NLGN1: variants seen among roughly 807,000 people sequenced by gnomAD.
The protein encoded by NLGN1 is neuroligin-1.
Under a neutral mutation model 65.5 loss-of-function variants are expected in NLGN1, and 12 were observed. The ratio of observed to expected loss-of-function variants is 0.18; its 90% confidence interval spans 0.12 to 0.30. NLGN1 has a LOEUF of 0.30. NLGN1 is among the 10% of genes least tolerant of loss of function. NLGN1 has a pLI of 1.00. For missense variants in NLGN1, 750 were observed against 1,007.1 expected (o/e 0.74, Z 3.46); for synonymous variants, 350 against 359.5 (o/e 0.97, Z 0.30).
At chr3:174,288,637 T>A (rs983588433), downstream of NLGN1, among the ~76,000 whole-genome samples, 2 of 151,494 alleles carry the variant, frequency 1.3e-5, no homozygotes, top group African/African-American at 4.8e-5. Flanking sequence ...TTCAGTCTTT[T>A]CACAATTCTA....
intron 2 of NLGN1, among the ~76,000 whole-genome samples, chr3:173,469,639 T>TAA (rs543661410): frequency 9.2e-5 from 13 of 141,888 alleles, no homozygotes; most frequent in South Asian, 2.2e-4. Flanking sequence ...TTTTAAAAAC[T>TAA]AAAAAAAAAA....
intron 3 of NLGN1, among the ~76,000 whole-genome samples, chr3:173,754,382 T>TC (rs1553836904): frequency 6.6e-6 from 1 of 152,110 alleles, no homozygotes; most frequent in Non-Finnish European, 1.5e-5. Flanking sequence ...GGTAAAGCCT[T>TC]CTCTAACTGT....
intron 4 of NLGN1, among the ~76,000 whole-genome samples, chr3:174,244,836 G>A (rs1030350766): frequency 4.6e-5 from 7 of 152,130 alleles, no homozygotes; most frequent in African/African-American, 1.2e-4. Flanking sequence ...TTTCACAGAC[G>A]ACATCTAATC....
chr3:173,539,625 TATATATACAC>T (rs1314737473), intron 2 of NLGN1, among the ~76,000 whole-genome samples: 3 of 64,148 alleles, frequency 4.7e-5, no homozygotes, highest in Non-Finnish European at 9.7e-5. Flanking sequence ...ATTATATATT[TATATATACAC>T]ATATATACAT....
intron 2 of NLGN1, among the ~76,000 whole-genome samples, chr3:173,485,207 C>G (rs955506314): frequency 4.6e-5 from 7 of 150,952 alleles, no homozygotes; most frequent in Non-Finnish European, 8.8e-5. Context: ...CTGGGAAAGA[C>G]CCGCCCCCAT....
In NLGN1 at chr3:174,142,547, A is replaced by G. The variant is rs577287817; in HGVS notation, c.647-132768A>G. On this transcript the variant is annotated intron_variant, in intron 4 of 6. Transcript: ENST00000457714. ...GTTTCAAGCAGCAGTACTGATTTAC[A>G]GTAGAAATGTGAACTTAGAAGCAGA... is the stretch of plus-strand genomic sequence containing the variant. Among the ~76,000 whole-genome samples the G allele has an allele frequency of 1.5e-3, 234 of 152,320 alleles. 1 individual carries two copies. Among genetic ancestry groups the G allele is most frequent in the African/African-American group, 5.4e-3 (224 of 41,574 alleles).
intron 2 of NLGN1, among the ~76,000 whole-genome samples, chr3:173,467,539 TGA>T (rs1417365397): frequency 6.6e-6 from 1 of 152,164 alleles, no homozygotes; most frequent in Non-Finnish European, 1.5e-5. Flanking sequence ...TAGAAATGTA[TGA>T]GAGTACCCAT....
intron 4 of NLGN1, among the ~76,000 whole-genome samples, chr3:174,183,279 G>A (rs1730782101): frequency 6.6e-6 from 1 of 151,980 alleles, no homozygotes; most frequent in African/African-American, 2.4e-5. Flanking sequence ...GCCTTTTTGA[G>A]TCCATAGCAT....
intron 2 of NLGN1, among the ~76,000 whole-genome samples, chr3:173,460,065 A>G (rs977369002): frequency 1.3e-4 from 20 of 152,108 alleles, no homozygotes; most frequent in Admixed American, 6.6e-5. Context: ...TTTAATTAAC[A>G]TATTAATTAA....
At chr3:173,486,533 CCTT>C (rs756437587) in intron 2 of NLGN1, among the ~76,000 whole-genome samples, 15 of 152,216 alleles carry the variant, frequency 9.9e-5, no homozygotes, top group Non-Finnish European at 1.6e-4. Context: ...TGCTGGTTGT[CCTT>C]CTATTTTTTA....
intron 2 of NLGN1, among the ~76,000 whole-genome samples, chr3:173,549,823 G>C (rs139529025): frequency 1.3e-5 from 2 of 152,000 alleles, no homozygotes; most frequent in Non-Finnish European, 2.9e-5. Flanking sequence ...TTTCTTCTAC[G>C]TACAAGTCAT....
chr3:173,494,506 A>C (rs1010858834), intron 2 of NLGN1, among the ~76,000 whole-genome samples: 1 of 151,440 alleles, frequency 6.6e-6, no homozygotes, highest in African/African-American at 2.4e-5. Context: ...TCATTTTCTT[A>C]ATGGTGTTTT....
intron 2 of NLGN1, among the ~76,000 whole-genome samples, chr3:173,484,280 C>A (rs910162912): frequency 6.6e-6 from 1 of 151,974 alleles, no homozygotes. Flanking sequence ...AAATCACATC[C>A]AAATGGATTT....
rs145014006 is a variant in NLGN1, at chr3:173,984,333, C to A, written c.646+176501C>A. On this transcript the variant is annotated intron_variant, in intron 4 of 6. Coordinates refer to ENST00000457714, the Ensembl canonical transcript of NLGN1. ...GCTTTACTTCTAGGGGCCTACATAT[C>A]TGCATATCTAAAATAAGAGAATGAG... is the stretch of plus-strand genomic sequence containing the variant. Among the ~76,000 whole-genome samples, 726 of 152,266 alleles carry A rather than the reference C, an allele frequency of 4.8e-3. 9 individuals carry two copies. The highest frequency in any genetic ancestry group is 0.01 in the Middle Eastern group (3 of 294).
intron 4 of NLGN1, among the ~76,000 whole-genome samples, chr3:173,918,692 GTGTGTGTGTGTATATA>G (rs1260421824): frequency 2.3e-4 from 31 of 137,670 alleles, no homozygotes; most frequent in African/African-American, 8.8e-4. Flanking sequence ...GTGTGTGTGT[GTGTGTGTGTGTATATA>G]TATATATTGC....
chr3:174,180,237 A>C (rs985568666), intron 4 of NLGN1, among the ~76,000 whole-genome samples: 25 of 152,134 alleles, frequency 1.6e-4, no homozygotes, highest in Admixed American at 2.6e-4. Flanking sequence ...GGACACAGAT[A>C]TCACCTTCAA....
At chr3:174,262,506 G>C (rs1170583111) in intron 4 of NLGN1, among the ~76,000 whole-genome samples, 6 of 125,442 alleles carry the variant, frequency 4.8e-5, no homozygotes, top group African/African-American at 1.3e-4. Context: ...ATGGTAGTTT[G>C]TATTTCTGTG....
chr3:174,110,728 A>G (rs535157997), intron 4 of NLGN1, among the ~76,000 whole-genome samples: 38 of 152,128 alleles, frequency 2.5e-4, no homozygotes, highest in Non-Finnish European at 5.2e-4. Flanking sequence ...TTCTAACATG[A>G]TGACTTTTTC....
At chr3:173,758,127 CCTT>C (rs1035805158) in intron 3 of NLGN1, among the ~76,000 whole-genome samples, 24 of 152,118 alleles carry the variant, frequency 1.6e-4, no homozygotes, top group African/African-American at 5.1e-4. Flanking sequence ...AGAGAAAACT[CCTT>C]CTCTCCATGT....
Sources: gnomAD v4.1 joint callset for allele counts (sites outside exome capture counted in the v4.1 genomes callset) on GRCh38, gnomAD v4.1.1 for gene constraint, MANE v1.5 for transcripts, NCBI Gene and HGNC (gene_info 2026-07-23, HGNC 2026-07-21) for gene names.